LAMA2: variants seen among roughly 807,000 people sequenced by gnomAD.
LAMA2 encodes laminin subunit alpha-2.
In LAMA2, 269 loss-of-function variants were observed where a neutral mutation model predicts 364.8. The observed-to-expected ratio is 0.74, with a 90% CI of 0.67 to 0.82. The LOEUF (loss-of-function observed/expected upper bound fraction) is 0.82, where lower values mean the gene tolerates loss of function less well. LAMA2 is among the 40% of genes least tolerant of loss of function. The probability of loss-of-function intolerance (pLI) is 0.00; values close to 1 mark genes in which losing one functional copy is unlikely to be tolerated. For synonymous variants in LAMA2, 1,379 were observed against 1,370.6 expected, an observed-to-expected ratio of 1.01 and a Z score of -0.14; for missense variants, 3,807 against 3,873.2, an observed-to-expected ratio of 0.98 and a Z score of 0.45.
chr6:129,364,176 C>T (rs894722462), intron 32 of LAMA2, among the ~76,000 whole-genome samples: 1 of 152,150 alleles, frequency 6.6e-6, no homozygotes, highest in African/African-American at 2.4e-5. Flanking sequence ...GCAGTTTAAT[C>T]CCTGTGAAGT....
intron 3 of LAMA2, among the ~76,000 whole-genome samples, chr6:129,067,370 A>T (rs544332800): frequency 6.6e-6 from 1 of 152,330 alleles, no homozygotes; most frequent in Non-Finnish European, 1.5e-5. Context: ...ATTAGAAAAT[A>T]TATTTTCCCT....
intron 14 of LAMA2, among the ~76,000 whole-genome samples, chr6:129,256,766 AT>A (rs1203376683): frequency 0.042 from 3,868 of 92,168 alleles, 299 homozygotes; most frequent in African/African-American, 0.11. Flanking sequence ...TATATAGCAT[AT>A]ATATATATAT....
chr6:129,379,185 A>T (rs1445367195), intron 34 of LAMA2, among the ~76,000 whole-genome samples: 1 of 152,160 alleles, frequency 6.6e-6, no homozygotes, highest in Non-Finnish European at 1.5e-5. Context: ...GAAGGGAACA[A>T]TGTTCACTGG....
At chr6:129,437,699 A>G (rs779675921) in intron 41 of LAMA2, among the ~76,000 whole-genome samples, 9 of 152,022 alleles carry the variant, frequency 5.9e-5, no homozygotes, top group African/African-American at 1.4e-4. Context: ...TGTTTTTTCA[A>G]TTTGAATTTT....
chr6:129,483,377 A>C (rs968692019), intron 55 of LAMA2, among the ~76,000 whole-genome samples: 3 of 152,202 alleles, frequency 2.0e-5, no homozygotes, highest in South Asian at 2.1e-4. Context: ...GCACAAGAAC[A>C]AGAATAAGAA....
At chr6:129,376,776 G>T (rs1732801803) in intron 34 of LAMA2, among the ~76,000 whole-genome samples, 1 of 152,154 alleles carries the variant, frequency 6.6e-6, no homozygotes, top group South Asian at 2.1e-4. Context: ...GGGGTTCCAA[G>T]ATTCCTCCTG....
At chr6:128,961,274 C>G (rs1158440753) in intron 1 of LAMA2, among the ~76,000 whole-genome samples, 1 of 128,408 alleles carries the variant, frequency 7.8e-6, no homozygotes. Flanking sequence ...TTAAATTTCC[C>G]TAGAGAATTG....
rs926452171 is a variant in LAMA2 at position 129,385,942 on chromosome 6, T to C, written c.5071+2709T>C. On this transcript the variant is annotated intron_variant, in intron 35 of 64. Coordinates refer to ENST00000421865, the MANE Select transcript of LAMA2 (RefSeq NM_000426.4). ...CTTACCTTTATAGATACTGTATGCC[T>C]CTTAAGAATCCTATTTGTATTCCCT... Among the ~76,000 whole-genome samples the C allele has an allele frequency of 4.6e-5, 7 of 152,180 alleles. No homozygotes were observed. In the East Asian group the frequency reaches 1.2e-3, roughly 25 times the overall value.
intron 1 of LAMA2, among the ~76,000 whole-genome samples, chr6:128,963,581 G>C (rs1335114313): frequency 6.6e-6 from 1 of 152,076 alleles, no homozygotes; most frequent in South Asian, 2.1e-4. Flanking sequence ...AGGAAGAGTT[G>C]CATCAAAAGA....
intron 1 of LAMA2, chr6:128,905,284 A>G (rs1582639813): frequency 6.6e-6 from 1 of 152,082 alleles, no homozygotes; most frequent in South Asian, 2.1e-4. Flanking sequence ...GATTAGTCTT[A>G]TTTATGTGGA....
At chr6:129,416,546 A>C (rs1178843651) in intron 40 of LAMA2, among the ~76,000 whole-genome samples, 1 of 152,122 alleles carries the variant, frequency 6.6e-6, no homozygotes, top group Admixed American at 6.5e-5. Flanking sequence ...TCCATCGCCC[A>C]GAGCCAGACC....
At chr6:129,516,077 G>T in intron 64 of LAMA2, 113 bp from the exon 65 acceptor site, 1 of 1,168,390 alleles carries the variant, frequency 8.6e-7, no homozygotes. Flanking sequence ...CACTAACTTT[G>T]CATAAAACAG....
intron 50 of LAMA2, among the ~76,000 whole-genome samples, 192 bp from the exon 51 acceptor site, chr6:129,464,953 C>T (rs1783464087): frequency 6.6e-6 from 1 of 151,916 alleles, no homozygotes. Flanking sequence ...TGACCATGTG[C>T]ATCATAATAT....
Position 129,252,296 on chromosome 6 carries a change from G to A in LAMA2, c.2096+1G>A, listed in dbSNP as rs1554256965. The A allele has an allele frequency of 6.2e-7, 1 of 1,609,818 alleles. No individual in the cohort carries two copies. The highest frequency in any genetic ancestry group is 8.5e-7 in the Non-Finnish European group (1 of 1,176,592). On this transcript the variant is annotated splice_donor_variant, in intron 14 of 64. Transcript: ENST00000421865. LOFTEE classifies it high-confidence loss of function. Reference sequence around the variant, plus strand: ...GCTTTGGGATGGATGCCATCTTCAGGTAAAATCAAGAACTGCAGCTCCAAC... The same window carrying A: ...GCTTTGGGATGGATGCCATCTTCAGATAAAATCAAGAACTGCAGCTCCAAC...
In LAMA2 at chr6:129,192,741, A is replaced by C. The variant is rs1333451961; in HGVS notation, c.1670A>C (p.Gln557Pro). 1.2e-6 allele frequency: 2 copies of C among 1,614,174 alleles called. No individual in the cohort carries two copies. Among genetic ancestry groups the C allele is most frequent in the Non-Finnish European group, 1.7e-6 (2 of 1,180,026 alleles). Residue 557 changes from glutamine to proline, a missense_variant, in exon 12 of 65, where the codon CAG (glutamine) becomes CCG (proline). Gln to Pro is a moderately conservative substitution (Grantham distance 76). Around this residue, in one of 3 missense-constraint regions of LAMA2, gnomAD observed 3,333 missense variants for 3,345.7 expected, o/e 1.00. Transcript: ENST00000421865. ...CCTGGCCGCATTCGAGTGGCTCCCCAGCAGGACGACTTGGACTCACCTCAG... is the reference window on the plus strand; with the variant it reads ...CCTGGCCGCATTCGAGTGGCTCCCCCGCAGGACGACTTGGACTCACCTCAG... ...DLPGRIRVAP[Q>P]QDDLDSPQQI...
intron 8 of LAMA2, chr6:129,159,003 C>A (rs1779298227): frequency 1.3e-6 from 2 of 1,588,126 alleles, no homozygotes; most frequent in Non-Finnish European, 1.7e-6. Flanking sequence ...TTTTTCTGGT[C>A]GGAGTCTGAT....
At chr6:129,133,347 A>C (rs1276711337) in intron 4 of LAMA2, among the ~76,000 whole-genome samples, 2 of 152,236 alleles carry the variant, frequency 1.3e-5, no homozygotes, top group South Asian at 4.1e-4. Context: ...TTCACTCTAC[A>C]GATGAAATAA....
rs762279924 is a variant in LAMA2 at position 129,316,094 on chromosome 6, A to C, written c.3981A>C (p.Glu1327Asp). The C allele has an allele frequency of 6.2e-7, 1 of 1,612,006 alleles. No homozygotes were observed. Among genetic ancestry groups the C allele is most frequent in the South Asian group, 1.1e-5 (1 of 91,026 alleles). Residue 1327 changes from glutamate to aspartate, a missense_variant, in exon 27 of 65, where the codon GAA becomes GAC. Glu to Asp is a conservative substitution (Grantham distance 45, BLOSUM62 2). Around this residue, in one of 3 missense-constraint regions of LAMA2, gnomAD observed 3,333 missense variants for 3,345.7 expected, o/e 1.00. Transcript: ENST00000421865. ...DPRVHRTVTR[E>D]DFLDILYDIH... ...GAGTCCATAGAACTGTGACCCGAGA[A>C]GACTTCTTGGATATACTATATGATA...
Position 129,220,128 on chromosome 6 carries a change from G to C in LAMA2, c.1782+27275G>C, listed in dbSNP as rs369712440. ...AGGATTTATAGTGGTGATTTCACTT[G>C]TTCATTGATTTAGACATATGAAATA... On this transcript the variant is annotated intron_variant, in intron 12 of 64. Coordinates refer to ENST00000421865, the MANE Select transcript of LAMA2 (RefSeq NM_000426.4). Among the ~76,000 whole-genome samples the C allele has an allele frequency of 2.0e-5, 3 of 152,108 alleles. No homozygotes were observed. In the South Asian group the frequency reaches 6.2e-4, roughly 32 times the overall value.
Sources: allele counts gnomAD v4.1 joint callset (sites outside exome capture counted in the v4.1 genomes callset), GRCh38; gene constraint gnomAD v4.1.1; regional missense constraint gnomAD v4.1.1; transcripts MANE v1.5; gene names NCBI Gene and HGNC (gene_info 2026-07-23, HGNC 2026-07-21).